The following IL1RAP variants were observed in gnomAD, a reference collection of about 807,000 sequenced individuals.
IL1RAP encodes interleukin 1 receptor accessory protein, also known as interleukin-1 receptor accessory protein.
Under a neutral mutation model 60.7 loss-of-function variants are expected in IL1RAP, and 35 were observed. The ratio of observed to expected loss-of-function variants is 0.58; its 90% confidence interval spans 0.44 to 0.76. The LOEUF (loss-of-function observed/expected upper bound fraction) is 0.76. IL1RAP is among the 30% of genes least tolerant of loss of function. IL1RAP has a pLI of 0.00. For synonymous variants in IL1RAP, 268 were observed against 250.9 expected (o/e 1.07, Z -0.64); for missense variants, 572 against 693.9 (o/e 0.82, Z 1.97).
chr3:190,613,595 G>A (rs1490533318), intron 5 of IL1RAP, among the ~76,000 whole-genome samples: 2 of 152,138 alleles, frequency 1.3e-5, no homozygotes, highest in Non-Finnish European at 2.9e-5. Flanking sequence ...AATTACCATG[G>A]CCAATATCCA....
chr3:190,536,278 A>G (rs969305490), intron 1 of IL1RAP, among the ~76,000 whole-genome samples: 1 of 152,070 alleles, frequency 6.6e-6, no homozygotes, highest in African/African-American at 2.4e-5. Flanking sequence ...AATAAAGTTG[A>G]TTCTTTTTTT....
chr3:190,565,920 C>T (rs1322852744), intron 3 of IL1RAP, among the ~76,000 whole-genome samples: 1 of 152,066 alleles, frequency 6.6e-6, no homozygotes, highest in African/African-American at 2.4e-5. Flanking sequence ...TTCTTTGTAA[C>T]ACTCACATTC....
intron 1 of IL1RAP, among the ~76,000 whole-genome samples, chr3:190,525,516 A>G (rs1449290491): frequency 6.6e-6 from 1 of 152,230 alleles, no homozygotes; most frequent in Non-Finnish European, 1.5e-5. Context: ...CAGAAGCAGG[A>G]TGATGAGCAG....
At chr3:190,561,226 T>C (rs1348915596) in intron 2 of IL1RAP, among the ~76,000 whole-genome samples, 1 of 152,178 alleles carries the variant, frequency 6.6e-6, no homozygotes, top group Non-Finnish European at 1.5e-5. Flanking sequence ...TATTACTCTT[T>C]ACGATAATAA....
At chr3:190,626,968 C>G (rs532364317) in intron 7 of IL1RAP, among the ~76,000 whole-genome samples, 1 of 152,172 alleles carries the variant, frequency 6.6e-6, no homozygotes, top group Non-Finnish European at 1.5e-5. Context: ...CTATGCCTAG[C>G]CTTGTCAGAG....
chr3:190,659,419 T>C (rs980869575), exon 12 of IL1RAP: 1 of 152,208 alleles, frequency 6.6e-6, no homozygotes, highest in African/African-American at 2.4e-5. Context: ...ACTATACTTC[T>C]ACTGTATGGA....
intron 9 of IL1RAP, among the ~76,000 whole-genome samples, chr3:190,634,350 G>T (rs928934442): frequency 6.7e-6 from 1 of 148,810 alleles, no homozygotes; most frequent in East Asian, 2.0e-4. Context: ...GTACAGTGGC[G>T]CGATCTCGGC....
intron 5 of IL1RAP, among the ~76,000 whole-genome samples, chr3:190,613,330 G>A (rs190673662): frequency 6.9e-4 from 105 of 152,314 alleles, no homozygotes; most frequent in African/African-American, 2.4e-3. Context: ...AGTTGCTGAT[G>A]TCTGTGAGAC....
At chr3:190,616,772 A>C (rs1731312568) in intron 5 of IL1RAP, among the ~76,000 whole-genome samples, 1 of 152,180 alleles carries the variant, frequency 6.6e-6, no homozygotes, top group Non-Finnish European at 1.5e-5. Context: ...CCTCAGCTCC[A>C]TGCCTTTTGG....
chr3:190,519,065 C>A (rs1327680153), intron 1 of IL1RAP: 1 of 152,330 alleles, frequency 6.6e-6, no homozygotes, highest in East Asian at 1.9e-4. Flanking sequence ...CATCCTACAT[C>A]CTCATCCCGG....
chr3:190,656,590 G>A (rs1216580976), exon 12 of IL1RAP: 15 of 1,524,278 alleles, frequency 9.8e-6, no homozygotes, highest in Admixed American at 2.0e-5. Flanking sequence ...CAATAACAAC[G>A]ACTTTTATAT....
intron 1 of IL1RAP, among the ~76,000 whole-genome samples, chr3:190,523,589 G>C (rs894945932): frequency 2.8e-4 from 43 of 151,944 alleles, no homozygotes; most frequent in Non-Finnish European, 7.4e-5. Flanking sequence ...TTCTCATTTA[G>C]CTCCCAATTC....
chr3:190,619,469 G>A (rs1309869572), intron 5 of IL1RAP, among the ~76,000 whole-genome samples: 1 of 152,164 alleles, frequency 6.6e-6, no homozygotes, highest in Admixed American at 6.5e-5. Flanking sequence ...GCTCATGCCT[G>A]TAATGCTAAC....
At chr3:190,549,160 TCA>T (rs920175618) in intron 1 of IL1RAP, among the ~76,000 whole-genome samples, 1 of 152,098 alleles carries the variant, frequency 6.6e-6, no homozygotes, top group Non-Finnish European at 1.5e-5. Context: ...GCTTCCCGCC[TCA>T]CAGATTGAAC....
At chr3:190,559,002 A>T (rs1193495337) in intron 2 of IL1RAP, among the ~76,000 whole-genome samples, 1 of 152,210 alleles carries the variant, frequency 6.6e-6, no homozygotes, top group African/African-American at 2.4e-5. Context: ...GGCTGAAATG[A>T]TGGTGTCAGC....
At chr3:190,612,246 T>TA (rs762888926) in intron 5 of IL1RAP, among the ~76,000 whole-genome samples, 11 of 152,020 alleles carry the variant, frequency 7.2e-5, no homozygotes, top group Non-Finnish European at 1.6e-4. Flanking sequence ...TTTTTCATGG[T>TA]AAAAAACCTA....
At chr3:190,584,012 T>C (rs1392530231) in intron 3 of IL1RAP, among the ~76,000 whole-genome samples, 3 of 152,166 alleles carry the variant, frequency 2.0e-5, no homozygotes, top group East Asian at 1.9e-4. Context: ...AAAGTCCCAT[T>C]ATCCTCCCAA....
At chr3:190,606,282 G>T (rs531131798) in intron 4 of IL1RAP, among the ~76,000 whole-genome samples, 1 of 152,214 alleles carries the variant, frequency 6.6e-6, no homozygotes, top group Non-Finnish European at 1.5e-5. Context: ...ATTAGGAGAA[G>T]ACAGAGAAAC....
Position 190,627,385 on chromosome 3 carries a change from G to A in IL1RAP, c.838G>A (p.Val280Ile), listed in dbSNP as rs953133392. The change falls in exon 8 of 12, where the codon GTT becomes ATT. Residue 280 changes from valine (V) to isoleucine (I), a missense_variant. Physicochemically the swap from Val to Ile is conservative, Grantham distance 29. Coordinates refer to ENST00000447382, the MANE Select transcript of IL1RAP (RefSeq NM_002182.4). ...TTTTCTGATGGATTCTCGCAATGAG[G>A]TTTGGTGGACCATTGATGGAAAAAA... ...FSFLMDSRNE[V>I]WWTIDGKKPD... The A allele has an allele frequency of 1.9e-6, 3 of 1,613,206 alleles. No homozygotes were observed. The highest frequency in any genetic ancestry group is 2.5e-6 in the Non-Finnish European group (3 of 1,179,822).
Sources: allele counts gnomAD v4.1 joint callset (sites outside exome capture counted in the v4.1 genomes callset), GRCh38; gene constraint gnomAD v4.1.1; transcripts MANE v1.5; gene names NCBI Gene and HGNC (gene_info 2026-07-23, HGNC 2026-07-21).